The following KCNQ3 variants were observed in gnomAD, a reference collection of about 807,000 sequenced individuals.
The protein encoded by KCNQ3 is potassium voltage-gated channel subfamily Q member 3.
KCNQ3 carries 30 observed loss-of-function variants against 92.5 expected under a neutral mutation model. That is an observed-to-expected ratio of 0.32 (90% CI 0.24 to 0.44). The LOEUF (loss-of-function observed/expected upper bound fraction) is 0.44. Among genes scored for constraint, KCNQ3 ranks in the 20% least tolerant of loss-of-function variants. KCNQ3 has a pLI of 1.00. For missense variants in KCNQ3, 913 were observed against 1,140.3 expected, an observed-to-expected ratio of 0.80 and a Z score of 2.87; for synonymous variants, 450 against 468.8, an observed-to-expected ratio of 0.96 and a Z score of 0.52.
At chr8:132,305,969 T>C (rs927764732) in intron 1 of KCNQ3, among the ~76,000 whole-genome samples, 2 of 152,110 alleles carry the variant, frequency 1.3e-5, no homozygotes, top group African/African-American at 4.8e-5. Flanking sequence ...TTATTTATTG[T>C]CAAGCAGTGT....
intron 9 of KCNQ3, among the ~76,000 whole-genome samples, chr8:132,162,075 G>T (rs1826007258): frequency 6.6e-6 from 1 of 152,170 alleles, no homozygotes; most frequent in South Asian, 2.1e-4. Context: ...CTGTGCTCTT[G>T]GCAGAGTGGG....
At chr8:132,411,955 T>C (rs1014615637) in intron 1 of KCNQ3, among the ~76,000 whole-genome samples, 2 of 152,164 alleles carry the variant, frequency 1.3e-5, no homozygotes, top group African/African-American at 4.8e-5. Flanking sequence ...CCACCACTCT[T>C]TTGAGCACCA....
At position 132,454,935 on chromosome 8, in the gene KCNQ3, CTA is replaced by C. The variant is rs370393023; in HGVS notation, c.386+25210_386+25211del. On this transcript the variant is annotated intron_variant, in intron 1 of 14. Transcript: ENST00000388996. ...AGCCAGTCACAAAACAACAAATATT[CTA>C]TGATTCCATTCATAAGAGGTATTTA... Among the ~76,000 whole-genome samples, 1,069 of 152,216 alleles carry C rather than the reference CTA, an allele frequency of 7.0e-3. 12 individuals carry two copies. Among genetic ancestry groups the C allele is most frequent in the African/African-American group, 0.025 (1,036 of 41,536 alleles).
chr8:132,333,493 T>C (rs1818285464), intron 1 of KCNQ3, among the ~76,000 whole-genome samples: 1 of 152,174 alleles, frequency 6.6e-6, no homozygotes, highest in Non-Finnish European at 1.5e-5. Flanking sequence ...ACATAATACC[T>C]TCTCACTGTA....
At chr8:132,221,978 GGCAAT>G (rs1300250247) in intron 1 of KCNQ3, among the ~76,000 whole-genome samples, 1 of 152,118 alleles carries the variant, frequency 6.6e-6, no homozygotes, top group Non-Finnish European at 1.5e-5. Context: ...AGAAAACCTA[GGCAAT>G]ACCATTTAGG....
chr8:132,168,715 ATATGTGTGTGTGTG>A lies in KCNQ3; in HGVS notation c.1235+1605_1235+1618del, dbSNP rs1422843701. On this transcript the variant is annotated intron_variant, in intron 8 of 14. Coordinates refer to ENST00000388996, the MANE Select transcript of KCNQ3 (RefSeq NM_004519.4). ...TAGAAAGAGAAATTGAGGATAATGA[ATATGTGTGTGTGTG>A]TGTGTGTGTGTGTGTGTGTGTGTGT... 5.2e-3 allele frequency among the ~76,000 whole-genome samples: 696 copies of A among 134,506 alleles called. 20 individuals carry two copies. The highest frequency in any genetic ancestry group is 0.018 in the African/African-American group (647 of 35,242). 88.2% of individuals were successfully genotyped at this position (134,506 alleles called of 152,430 possible).
At chr8:132,178,960 G>T (rs1826659484) in intron 4 of KCNQ3, among the ~76,000 whole-genome samples, 1 of 146,558 alleles carries the variant, frequency 6.8e-6, no homozygotes, top group Non-Finnish European at 1.5e-5. Context: ...AGAGACCTAG[G>T]TGGGACAACA....
intron 1 of KCNQ3, among the ~76,000 whole-genome samples, chr8:132,258,570 AAATTACCTAAAC>A (rs1815668676): frequency 6.6e-6 from 1 of 152,084 alleles, no homozygotes; most frequent in African/African-American, 2.4e-5. Context: ...TATCTCAAAT[AAATTACCTAAAC>A]TTCCACCTTA....
intron 1 of KCNQ3, among the ~76,000 whole-genome samples, chr8:132,350,191 GTGTAATATC>G (rs1234635716): frequency 6.6e-6 from 1 of 152,144 alleles, no homozygotes; most frequent in Non-Finnish European, 1.5e-5. Flanking sequence ...AGTTCAGAAC[GTGTAATATC>G]TGCACAGGTT....
intron 1 of KCNQ3, among the ~76,000 whole-genome samples, chr8:132,456,806 G>T (rs568359901): frequency 4.3e-4 from 65 of 152,042 alleles, no homozygotes; most frequent in South Asian, 3.5e-3. Flanking sequence ...TAGAGACGGG[G>T]TTTCATCACA....
intron 1 of KCNQ3, among the ~76,000 whole-genome samples, chr8:132,324,443 G>A (rs1817983467): frequency 6.6e-6 from 1 of 152,046 alleles, no homozygotes; most frequent in Non-Finnish European, 1.5e-5. Context: ...TAAACAAATG[G>A]GCGAATGCAG....
chr8:132,169,219 G>C (rs1178208357), intron 8 of KCNQ3, among the ~76,000 whole-genome samples: 1 of 152,154 alleles, frequency 6.6e-6, no homozygotes, highest in Non-Finnish European at 1.5e-5. Flanking sequence ...AGGGGCTCCT[G>C]TTCAGGATGC....
intron 1 of KCNQ3, among the ~76,000 whole-genome samples, chr8:132,203,985 A>G (rs1315646898): frequency 6.6e-6 from 1 of 152,228 alleles, no homozygotes; most frequent in Non-Finnish European, 1.5e-5. Context: ...ACTATATTTC[A>G]TTGTCTTTCA....
rs547095221 is a variant in KCNQ3, at chr8:132,468,276, A to G, written c.386+11871T>C. Among the ~76,000 whole-genome samples the G allele has an allele frequency of 8.5e-5, 13 of 152,310 alleles. No homozygotes were observed. The South Asian group carries it at 2.7e-3, about 32-fold the overall frequency. The stretch of plus-strand genomic sequence containing the variant: ...GACAGGCAGAAGGAGAGAGATGAAT[A>G]GTCCAATTGGGCTAAGCGATTTTCC... On this transcript the variant is annotated intron_variant, in intron 1 of 14. Transcript: ENST00000388996.
chr8:132,240,471 C>G (rs943446732), intron 1 of KCNQ3, among the ~76,000 whole-genome samples: 1 of 152,218 alleles, frequency 6.6e-6, no homozygotes, highest in Non-Finnish European at 1.5e-5. Context: ...CAGGCATGAG[C>G]CACCATGCCC....
At chr8:132,275,581 C>A (rs1352072245) in intron 1 of KCNQ3, among the ~76,000 whole-genome samples, 2 of 141,472 alleles carry the variant, frequency 1.4e-5, no homozygotes, top group East Asian at 2.1e-4. Context: ...CCAGTGAAAC[C>A]TTTTTTTTTT....
At chr8:132,185,164 G>C (rs947845382) in intron 2 of KCNQ3, among the ~76,000 whole-genome samples, 1 of 152,210 alleles carries the variant, frequency 6.6e-6, no homozygotes, top group South Asian at 2.1e-4. Flanking sequence ...TCTGAGCTCT[G>C]GGACGTGCTG....
chr8:132,245,055 A>T (rs890411040), intron 1 of KCNQ3, among the ~76,000 whole-genome samples: 1 of 151,672 alleles, frequency 6.6e-6, no homozygotes, highest in Non-Finnish European at 1.5e-5. Context: ...ACCTTTTTTT[A>T]GCATCTTGAA....
At chr8:132,233,049 T>A (rs747063181) in intron 1 of KCNQ3, among the ~76,000 whole-genome samples, 1 of 152,184 alleles carries the variant, frequency 6.6e-6, no homozygotes, top group Non-Finnish European at 1.5e-5. Context: ...TCAAATATCT[T>A]GCCACGTGAG....
Sources: gnomAD v4.1 joint callset for allele counts (sites outside exome capture counted in the v4.1 genomes callset) on GRCh38, gnomAD v4.1.1 for gene constraint, MANE v1.5 for transcripts, NCBI Gene and HGNC (gene_info 2026-07-23, HGNC 2026-07-21) for gene names.